The following SLC4A4 variants were observed in gnomAD, a reference collection of about 807,000 sequenced individuals.
SLC4A4 encodes solute carrier family 4 member 4.
A neutral mutation model predicts 111.5 loss-of-function variants in SLC4A4; 27 were observed. That is an observed-to-expected ratio of 0.24 (90% CI 0.18 to 0.33). The LOEUF is 0.33. Ranked by LOEUF, SLC4A4 falls within the 10% of genes least tolerant of loss-of-function variation. The pLI, the probability that SLC4A4 is intolerant of heterozygous loss-of-function variation, is 1.00. For missense variants in SLC4A4, 909 were observed against 1,315.5 expected (o/e 0.69, Z 4.78); for synonymous variants, 443 against 463.4 (o/e 0.96, Z 0.57).
rs1420923336 is a variant in SLC4A4, at chr4:71,086,245, T to C, written c.-64-6485T>C. On this transcript the variant is annotated intron_variant, in intron 1 of 26. Transcript: ENST00000649996. ...TATAAGAATGCTTGTGATTTTTGCATATTGATTTTGTATCCTGAGACTTTG... is the reference window on the plus strand; with the variant it reads ...TATAAGAATGCTTGTGATTTTTGCACATTGATTTTGTATCCTGAGACTTTG... Among the ~76,000 whole-genome samples the C allele has an allele frequency of 5.8e-3, 873 of 151,650 alleles. 12 individuals carry two copies. The highest frequency in any genetic ancestry group is 0.02 in the African/African-American group (816 of 41,042).
intron 12 of SLC4A4, among the ~76,000 whole-genome samples, chr4:71,463,319 A>C (rs1253524251): frequency 2.0e-5 from 3 of 152,200 alleles, no homozygotes; most frequent in Non-Finnish European, 2.9e-5. Context: ...TGAACACTGA[A>C]TATAATAAAT....
At chr4:71,437,790 A>C (rs982056908) in intron 7 of SLC4A4, 2 of 272,476 alleles carry the variant, frequency 7.3e-6, no homozygotes, top group South Asian at 4.2e-5. Flanking sequence ...TGGAAATGGG[A>C]GTGAAGGTCC....
chr4:71,079,528 CA>C (rs1385070944), intron 1 of SLC4A4, among the ~76,000 whole-genome samples: 3 of 152,150 alleles, frequency 2.0e-5, no homozygotes, highest in Non-Finnish European at 4.4e-5. Flanking sequence ...ATAATCCCAG[CA>C]CTTTGGGAGG....
intron 15 of SLC4A4, 46 bp from the exon 16 acceptor site, chr4:71,497,455 A>G (rs781462214): frequency 5.3e-6 from 8 of 1,506,288 alleles, no homozygotes; most frequent in Admixed American, 1.7e-5. Flanking sequence ...GCTGCTTTTT[A>G]TATGTCAATG....
intron 3 of SLC4A4, among the ~76,000 whole-genome samples, chr4:71,317,821 G>A (rs1726810997): frequency 6.6e-6 from 1 of 151,948 alleles, no homozygotes; most frequent in Non-Finnish European, 1.5e-5. Flanking sequence ...TGTGATCTGG[G>A]TAATGTATGC....
At chr4:71,428,696 G>A (rs953153278) in intron 7 of SLC4A4, among the ~76,000 whole-genome samples, 1 of 152,018 alleles carries the variant, frequency 6.6e-6, no homozygotes, top group Non-Finnish European at 1.5e-5. Flanking sequence ...AGAACAATAA[G>A]AATGCCAGAA....
chr4:71,109,983 GCTA>G (rs1178639822), intron 2 of SLC4A4, among the ~76,000 whole-genome samples: 11 of 152,182 alleles, frequency 7.2e-5, no homozygotes, highest in African/African-American at 2.7e-4. Flanking sequence ...AGGATGGGTA[GCTA>G]TTGCTGAGCT....
In SLC4A4 at chr4:71,082,980, A is replaced by G. The variant is rs149522401; in HGVS notation, c.-64-9750A>G. Among the ~76,000 whole-genome samples, 241 of 151,970 alleles carry G rather than the reference A, an allele frequency of 1.6e-3. 6 individuals carry two copies. The highest frequency in any genetic ancestry group is 0.012 in the Admixed American group (180 of 15,286). On this transcript the variant is annotated intron_variant, in intron 1 of 26. Transcript: ENST00000649996. ...GGAGTTCTTGTGCCTCAGCCTCCCA[A>G]GTAGCTGGGATTACAGGCGCATGCC...
At chr4:71,071,657 T>G (rs1036764326) in intron 1 of SLC4A4, among the ~76,000 whole-genome samples, 7 of 152,218 alleles carry the variant, frequency 4.6e-5, no homozygotes, top group Non-Finnish European at 1.0e-4. Flanking sequence ...TGTGTGATTC[T>G]TTTTAAAAAT....
intron 2 of SLC4A4, among the ~76,000 whole-genome samples, chr4:71,093,778 G>A (rs954465761): frequency 1.3e-5 from 2 of 152,144 alleles, no homozygotes; most frequent in Non-Finnish European, 2.9e-5. Context: ...CTACCTATTT[G>A]TTGGTCTTAC....
intron 1 of SLC4A4, among the ~76,000 whole-genome samples, chr4:71,231,633 C>A (rs1033429495): frequency 2.0e-5 from 3 of 152,208 alleles, no homozygotes; most frequent in African/African-American, 4.8e-5. Context: ...CTGGTGTGAC[C>A]CTTATCCCCG....
intron 1 of SLC4A4, among the ~76,000 whole-genome samples, chr4:71,229,039 G>A (rs780772716): frequency 7.9e-5 from 12 of 152,136 alleles, no homozygotes; most frequent in African/African-American, 1.7e-4. Flanking sequence ...GGGGTCCCTC[G>A]TGTTACCCTT....
chr4:71,268,853 A>G (rs1396509176), intron 3 of SLC4A4, among the ~76,000 whole-genome samples: 1 of 152,240 alleles, frequency 6.6e-6, no homozygotes, highest in Non-Finnish European at 1.5e-5. Flanking sequence ...CAGGGAACTG[A>G]CTAAGCCGCG....
intron 1 of SLC4A4, among the ~76,000 whole-genome samples, chr4:71,077,191 C>T (rs1323452723): frequency 2.7e-5 from 4 of 149,166 alleles, no homozygotes; most frequent in Middle Eastern, 3.4e-3. Flanking sequence ...GACGGAGTCT[C>T]GCTCTGTCAC....
chr4:71,490,926 A>G (rs1163938655), intron 15 of SLC4A4, among the ~76,000 whole-genome samples: 2 of 151,838 alleles, frequency 1.3e-5, no homozygotes, highest in Admixed American at 1.3e-4. Flanking sequence ...CTCCAGACTG[A>G]GCAATAGAGT....
At chr4:71,229,812 G>A (rs1021382048) in intron 1 of SLC4A4, among the ~76,000 whole-genome samples, 1 of 124,354 alleles carries the variant, frequency 8.0e-6, no homozygotes, top group African/African-American at 3.0e-5. Context: ...CCCCTGCGAA[G>A]TTTTTTTTTT....
At chr4:71,192,350 G>A (rs538146107) in intron 1 of SLC4A4, among the ~76,000 whole-genome samples, 1 of 152,104 alleles carries the variant, frequency 6.6e-6, no homozygotes, top group Non-Finnish European at 1.5e-5. Context: ...ACATTAAAAA[G>A]AATTCACTTT....
chr4:71,201,767 A>G (rs1368931550), intron 1 of SLC4A4, among the ~76,000 whole-genome samples: 1 of 152,186 alleles, frequency 6.6e-6, no homozygotes, highest in East Asian at 1.9e-4. Flanking sequence ...CAAGAGGAAA[A>G]CATCTGACAA....
chr4:71,291,337 A>T (rs1345478088), intron 3 of SLC4A4, among the ~76,000 whole-genome samples: 1 of 152,242 alleles, frequency 6.6e-6, no homozygotes, highest in African/African-American at 2.4e-5. Flanking sequence ...AATAATAATA[A>T]AATTTAAAAA....
Sources: allele counts gnomAD v4.1 joint callset (sites outside exome capture counted in the v4.1 genomes callset), GRCh38; gene constraint gnomAD v4.1.1; transcripts MANE v1.5; gene names NCBI Gene and HGNC (gene_info 2026-07-23, HGNC 2026-07-21).